MICU3: variants seen among roughly 807,000 people sequenced by gnomAD.
MICU3 encodes calcium uptake protein 3, mitochondrial.
A neutral mutation model predicts 66.5 loss-of-function variants in MICU3; 62 were observed. The observed-to-expected ratio is 0.93, with a 90% CI of 0.76 to 1.15. MICU3 has a LOEUF of 1.15. MICU3 is among the 50% of genes most tolerant of loss of function. MICU3 has a pLI of 0.00. For synonymous variants in MICU3, 308 were observed against 240.7 expected (o/e 1.28, Z -2.59); for missense variants, 779 against 664.4 (o/e 1.17, Z -1.90).
intron 12 of MICU3, 137 bp downstream of exon 12, chr8:17,114,338 G>C (rs531133386): frequency 1.8e-6 from 1 of 569,290 alleles, no homozygotes; most frequent in Non-Finnish European, 3.1e-6. Flanking sequence ...TCAGTGACAA[G>C]TCAGTTCTGG....
chr8:17,053,857 C>A (rs1465130867), intron 1 of MICU3, among the ~76,000 whole-genome samples: 1 of 152,150 alleles, frequency 6.6e-6, no homozygotes, highest in East Asian at 1.9e-4. Flanking sequence ...TCAGGCAATT[C>A]CCATAAAATA....
intron 1 of MICU3, among the ~76,000 whole-genome samples, chr8:17,037,686 A>G (rs986813313): frequency 6.6e-6 from 1 of 152,172 alleles, no homozygotes; most frequent in Non-Finnish European, 1.5e-5. Context: ...TCCAGACCCC[A>G]GAATGGTAAA....
At chr8:17,044,362 C>G (rs1417233285) in intron 1 of MICU3, among the ~76,000 whole-genome samples, 1 of 152,158 alleles carries the variant, frequency 6.6e-6, no homozygotes, top group Non-Finnish European at 1.5e-5. Flanking sequence ...AGGAAGCAGT[C>G]TGTTAGGATC....
chr8:17,120,220 T>TGATG (rs1803095999), intron 14 of MICU3, 68 bp from the exon 15 acceptor site: 1 of 152,028 alleles, frequency 6.6e-6, no homozygotes, highest in Non-Finnish European at 1.5e-5. Context: ...TAAGAATATT[T>TGATG]AACACTATCA....
chr8:17,076,104 A>G (rs1231394717), intron 3 of MICU3, among the ~76,000 whole-genome samples: 1 of 151,986 alleles, frequency 6.6e-6, no homozygotes, highest in Admixed American at 6.6e-5. Context: ...ATGGCTCACT[A>G]TAGCCTCGAC....
At chr8:17,111,709 G>A (rs1802218980) in intron 11 of MICU3, among the ~76,000 whole-genome samples, 1 of 152,140 alleles carries the variant, frequency 6.6e-6, no homozygotes, top group African/African-American at 2.4e-5. Flanking sequence ...TATGAAGTTA[G>A]GGTCTAGCTT....
chr8:17,099,402 T>C (rs1185979672), intron 9 of MICU3, among the ~76,000 whole-genome samples: 1 of 151,794 alleles, frequency 6.6e-6, no homozygotes, highest in East Asian at 1.9e-4. Context: ...CCTGAAAATA[T>C]CTGGAGAAGT....
chr8:17,095,334 T>G (rs981597698), intron 8 of MICU3, among the ~76,000 whole-genome samples: 1 of 151,954 alleles, frequency 6.6e-6, no homozygotes, highest in Non-Finnish European at 1.5e-5. Flanking sequence ...CTGGGAGGAT[T>G]GTATTCAGTT....
intron 7 of MICU3, among the ~76,000 whole-genome samples, chr8:17,089,589 G>A (rs777338231): frequency 2.0e-5 from 3 of 152,006 alleles, no homozygotes; most frequent in Non-Finnish European, 4.4e-5. Context: ...ATAAGAGAGA[G>A]AGCATAGCAC....
intron 1 of MICU3, among the ~76,000 whole-genome samples, chr8:17,054,255 G>T (rs1816553172): frequency 6.6e-6 from 1 of 151,958 alleles, no homozygotes; most frequent in Non-Finnish European, 1.5e-5. Context: ...CATTTACTAG[G>T]TAATATTTGA....
intron 3 of MICU3, among the ~76,000 whole-genome samples, chr8:17,074,194 G>T (rs979980832): frequency 2.0e-5 from 3 of 151,668 alleles, no homozygotes; most frequent in Admixed American, 6.6e-5. Context: ...CCTGTATAGT[G>T]GAATTTTCTA....
chr8:17,082,559 A>AT (rs746523957), intron 5 of MICU3, among the ~76,000 whole-genome samples: 1 of 152,064 alleles, frequency 6.6e-6, no homozygotes, highest in Non-Finnish European at 1.5e-5. Flanking sequence ...TATGGCAAAG[A>AT]TTTTTTCTTT....
At chr8:17,082,625 T>C (rs186238903) in intron 5 of MICU3, among the ~76,000 whole-genome samples, 1 of 152,170 alleles carries the variant, frequency 6.6e-6, no homozygotes, top group Non-Finnish European at 1.5e-5. Context: ...TTCCAAAAAG[T>C]AGTTAGTGAA....
intron 8 of MICU3, chr8:17,090,798 C>T (rs1463406188): frequency 2.8e-6 from 1 of 362,834 alleles, no homozygotes; most frequent in African/African-American, 2.1e-5. Flanking sequence ...ATATCTTTAA[C>T]TTTAGATTAA....
intron 13 of MICU3, 69 bp downstream of exon 13, chr8:17,116,669 T>C (rs1802709452): frequency 1.8e-6 from 2 of 1,135,538 alleles, no homozygotes; most frequent in Non-Finnish European, 2.5e-6. Flanking sequence ...CCATCTAAGT[T>C]GAGAAATAAT....
chr8:17,125,828 A>G (rs142534556), downstream of MICU3, among the ~76,000 whole-genome samples: 2,682 of 151,970 alleles, frequency 0.018, 65 homozygotes, highest in African/African-American at 0.061. Context: ...TCAGGAGTTC[A>G]AGACCAGCCT....
At chr8:17,117,050 T>C (rs1168316238) in intron 13 of MICU3, among the ~76,000 whole-genome samples, 1 of 152,154 alleles carries the variant, frequency 6.6e-6, no homozygotes, top group Non-Finnish European at 1.5e-5. Flanking sequence ...TGATCACAGC[T>C]CACTGCAGCC....
Position 17,069,690 on chromosome 8 carries a change from G to T in MICU3, c.538G>T (p.Ala180Ser), listed in dbSNP as rs1554519388. Residue 180 changes from alanine to serine, a missense_variant and splice_region_variant, in exon 3 of 15, where the codon GCC (alanine) becomes TCC (serine). By Grantham distance (99) the Ala-to-Ser change is moderately conservative (BLOSUM62 1). Transcript: ENST00000318063. ...LAVTTDEPKV[A>S]KTWKSLSKQE... ...TATCTTACATTTGTTTATTTTAGTT[G>T]CCAAAACTTGGAAGTCACTTTCCAA... The T allele has an allele frequency of 1.3e-6, 2 of 1,533,870 alleles. No homozygotes were observed. Among genetic ancestry groups the T allele is most frequent in the Non-Finnish European group, 8.8e-7 (1 of 1,135,092 alleles).
chr8:17,110,035 T>G (rs1399192230), intron 11 of MICU3, among the ~76,000 whole-genome samples: 1 of 152,226 alleles, frequency 6.6e-6, no homozygotes, highest in Non-Finnish European at 1.5e-5. Flanking sequence ...GCCATTTACA[T>G]CAGTTACCAA....
Sources: gnomAD v4.1 joint callset for allele counts (sites outside exome capture counted in the v4.1 genomes callset) on GRCh38, gnomAD v4.1.1 for gene constraint, MANE v1.5 for transcripts, NCBI Gene and HGNC (gene_info 2026-07-23, HGNC 2026-07-21) for gene names.